Variants in GRM5 observed in about 807,000 individuals in gnomAD.
GRM5 encodes the protein glutamate metabotropic receptor 5, also known as metabotropic glutamate receptor 5.
GRM5 carries 19 observed loss-of-function variants against 83.1 expected under a neutral mutation model. The observed-to-expected ratio is 0.23, with a 90% CI of 0.16 to 0.34. The LOEUF is 0.34. GRM5 is among the 10% of genes least tolerant of loss of function. GRM5 has a pLI of 1.00. For synonymous variants in GRM5, 675 were observed against 633.6 expected, an observed-to-expected ratio of 1.07 and a Z score of -0.98; for missense variants, 1,160 against 1,588.3, an observed-to-expected ratio of 0.73 and a Z score of 4.58.
At chr11:88,804,357 TA>T (rs1244091110) in intron 3 of GRM5, among the ~76,000 whole-genome samples, 1 of 148,780 alleles carries the variant, frequency 6.7e-6, no homozygotes, top group East Asian at 2.0e-4. Flanking sequence ...TATGCAGCCA[TA>T]AAAAATGATG....
chr11:88,881,251 A>C (rs1371656915), intron 2 of GRM5, among the ~76,000 whole-genome samples: 1 of 152,066 alleles, frequency 6.6e-6, no homozygotes, highest in Non-Finnish European at 1.5e-5. Flanking sequence ...TGAGACTTTA[A>C]AAGTTTGAGA....
intron 3 of GRM5, among the ~76,000 whole-genome samples, chr11:88,680,786 C>T (rs1417177785): frequency 6.6e-6 from 1 of 152,176 alleles, no homozygotes. Context: ...CCTTCTATTA[C>T]ATCACCCTTA....
At chr11:88,719,908 G>GCTGT (rs1034617756) in intron 3 of GRM5, among the ~76,000 whole-genome samples, 2 of 151,956 alleles carry the variant, frequency 1.3e-5, no homozygotes, top group Non-Finnish European at 1.5e-5. Context: ...TTTTAATAGG[G>GCTGT]TTGTTTGTCT....
At chr11:88,857,561 G>A (rs1944497361) in intron 2 of GRM5, among the ~76,000 whole-genome samples, 1 of 151,950 alleles carries the variant, frequency 6.6e-6, no homozygotes, top group African/African-American at 2.4e-5. Flanking sequence ...TGACAGTGAA[G>A]CACCTCTTCT....
chr11:88,537,942 G>C (rs2135126881), intron 8 of GRM5, among the ~76,000 whole-genome samples: 1 of 152,186 alleles, frequency 6.6e-6, no homozygotes, highest in African/African-American at 2.4e-5. Flanking sequence ...AAAGGTAAAA[G>C]CTGAAAAGTG....
At chr11:88,888,711 C>A (rs1261013629) in intron 2 of GRM5, among the ~76,000 whole-genome samples, 1 of 152,132 alleles carries the variant, frequency 6.6e-6, no homozygotes, top group Non-Finnish European at 1.5e-5. Flanking sequence ...TTTATATTTT[C>A]TGAAAAGTTT....
intron 3 of GRM5, among the ~76,000 whole-genome samples, chr11:88,687,345 C>T (rs989075290): frequency 1.4e-5 from 2 of 148,086 alleles, no homozygotes; most frequent in African/African-American, 2.5e-5. Flanking sequence ...GGCATGGTGG[C>T]TGGTGCCTGT....
intron 3 of GRM5, among the ~76,000 whole-genome samples, chr11:88,705,850 C>A (rs4491229): frequency 6.6e-6 from 1 of 151,852 alleles, no homozygotes; most frequent in Non-Finnish European, 1.5e-5. Flanking sequence ...CTCCATCTCT[C>A]AACTTATGAC....
At chr11:89,022,100 T>C (rs1246298502) in intron 2 of GRM5, among the ~76,000 whole-genome samples, 2 of 152,174 alleles carry the variant, frequency 1.3e-5, no homozygotes, top group Non-Finnish European at 2.9e-5. Context: ...GCCTGGTTTA[T>C]AGCAGTTATT....
chr11:88,585,281 C>T (rs1047520643), intron 7 of GRM5, among the ~76,000 whole-genome samples: 1 of 152,110 alleles, frequency 6.6e-6, no homozygotes. Context: ...AATGTGTATG[C>T]TTTTCTTTTG....
At chr11:88,549,496 G>C (rs765965564) in intron 8 of GRM5, among the ~76,000 whole-genome samples, 13 of 150,628 alleles carry the variant, frequency 8.6e-5, no homozygotes, top group Non-Finnish European at 1.5e-4. Flanking sequence ...CAACCCCCCA[G>C]AGAACAAACA....
intron 2 of GRM5, among the ~76,000 whole-genome samples, chr11:88,893,077 CAG>C (rs1228002489): frequency 6.6e-6 from 1 of 150,958 alleles, no homozygotes; most frequent in Non-Finnish European, 1.5e-5. Context: ...GAATATCAGA[CAG>C]AGAGTTTCCA....
intron 4 of GRM5, among the ~76,000 whole-genome samples, chr11:88,623,289 T>C (rs1016394843): frequency 6.6e-6 from 1 of 150,808 alleles, no homozygotes; most frequent in Non-Finnish European, 1.5e-5. Context: ...TATTTTTGTA[T>C]TTTGTAATTT....
At chr11:88,679,900 T>G (rs1940433712) in intron 3 of GRM5, among the ~76,000 whole-genome samples, 1 of 150,554 alleles carries the variant, frequency 6.6e-6, no homozygotes, top group South Asian at 2.1e-4. Context: ...AGTTTCACCT[T>G]CCTCATTCTT....
chr11:88,916,098 G>A (rs1275972848), intron 2 of GRM5, among the ~76,000 whole-genome samples: 1 of 152,148 alleles, frequency 6.6e-6, no homozygotes, highest in East Asian at 1.9e-4. Context: ...TTGGTAGGAG[G>A]AGAAACAAGA....
chr11:88,724,396 A>ATACT (rs1029453842), intron 3 of GRM5, among the ~76,000 whole-genome samples: 5 of 69,592 alleles, frequency 7.2e-5, no homozygotes, highest in East Asian at 4.3e-4. Flanking sequence ...AATACTCCAT[A>ATACT]TACTTACTCC....
chr11:88,843,896 T>A (rs1944252081), intron 3 of GRM5, among the ~76,000 whole-genome samples: 1 of 152,180 alleles, frequency 6.6e-6, no homozygotes, highest in African/African-American at 2.4e-5. Flanking sequence ...TTTAATCCTA[T>A]AAAGGCTGAG....
At chr11:88,605,388 T>C (rs1310563448) in intron 4 of GRM5, among the ~76,000 whole-genome samples, 2 of 151,874 alleles carry the variant, frequency 1.3e-5, no homozygotes, top group African/African-American at 4.8e-5. Context: ...TACCTGGCGA[T>C]ACTAGATATT....
At chr11:88,613,368 A>G (rs1938380580) in intron 4 of GRM5, among the ~76,000 whole-genome samples, 1 of 152,204 alleles carries the variant, frequency 6.6e-6, no homozygotes, top group South Asian at 2.1e-4. Flanking sequence ...CTGTTTTATG[A>G]ATCTGGGTGC....
Sources: allele counts gnomAD v4.1 joint callset (sites outside exome capture counted in the v4.1 genomes callset), GRCh38; gene constraint gnomAD v4.1.1; transcripts MANE v1.5; gene names NCBI Gene and HGNC (gene_info 2026-07-23, HGNC 2026-07-21).